The following SUPT3H variants were observed in gnomAD, a reference collection of about 807,000 sequenced individuals.
SUPT3H encodes the protein transcription initiation protein SPT3 homolog.
Under a neutral mutation model 44.3 loss-of-function variants are expected in SUPT3H, and 44 were observed. That is an observed-to-expected ratio of 0.99 (90% CI 0.78 to 1.28). SUPT3H has a LOEUF of 1.28. SUPT3H is among the 50% of genes most tolerant of loss of function. The probability of loss-of-function intolerance (pLI) is 0.00; values close to 1 mark genes in which losing one functional copy is unlikely to be tolerated. For synonymous variants in SUPT3H, 124 were observed against 125.6 expected, an observed-to-expected ratio of 0.99 and a Z score of 0.09; for missense variants, 380 against 387.1, an observed-to-expected ratio of 0.98 and a Z score of 0.15.
intron 2 of SUPT3H, among the ~76,000 whole-genome samples, chr6:45,125,185 G>A (rs1802253622): frequency 6.6e-6 from 1 of 152,118 alleles, no homozygotes; most frequent in Non-Finnish European, 1.5e-5. Flanking sequence ...GAAGCCCTAG[G>A]AAACAAATAC....
In SUPT3H at chr6:44,816,806, T is replaced by C. The variant is rs186986941; in HGVS notation, c.*53-7305A>G. Among the ~76,000 whole-genome samples the C allele has an allele frequency of 1.4e-4, 21 of 152,130 alleles. No homozygotes were observed. In the East Asian group the frequency reaches 4.1e-3, roughly 29 times the overall value. ...CAGTAGCTCAGGCCTATAATCCCAG[T>C]ACTTTGGGAGGCCAAGGTGGGAAGA... On this transcript the variant is annotated intron_variant and NMD_transcript_variant, in intron 11 of 11. Coordinates refer to the SUPT3H transcript ENST00000475057.
chr6:45,162,961 A>C (rs1809272004), intron 2 of SUPT3H, among the ~76,000 whole-genome samples: 1 of 152,190 alleles, frequency 6.6e-6, no homozygotes, highest in Non-Finnish European at 1.5e-5. Context: ...GGAGATCTGT[A>C]GGGTGTGAAG....
chr6:45,369,871 G>T (rs1795769272), intron 1 of SUPT3H, among the ~76,000 whole-genome samples: 1 of 152,118 alleles, frequency 6.6e-6, no homozygotes, highest in Admixed American at 6.6e-5. Flanking sequence ...TTTAATATAA[G>T]ATCTGGGAGG....
At chr6:45,059,323 C>T (rs578095637) in intron 3 of SUPT3H, among the ~76,000 whole-genome samples, 1 of 152,058 alleles carries the variant, frequency 6.6e-6, no homozygotes, top group Admixed American at 6.6e-5. Context: ...ATAAACAGAA[C>T]TAAAGACAAA....
rs144360098 is a variant in SUPT3H, at chr6:45,035,513, T to C, written c.187-14881A>G. Among the ~76,000 whole-genome samples, 44 of 152,276 alleles carry C rather than the reference T, an allele frequency of 2.9e-4. 3 individuals are homozygous for C. Among genetic ancestry groups the C allele is most frequent in the African/African-American group, 8.4e-4 (35 of 41,554 alleles). On this transcript the variant is annotated intron_variant, in intron 3 of 10. Transcript: ENST00000371459. ...AGGTAAGGATGGAGGTGGAGCTTAG[T>C]TGCGAATTGTTACCAACTCAACTGG...
chr6:45,110,588 A>G (rs755489774), intron 2 of SUPT3H, among the ~76,000 whole-genome samples: 1 of 151,992 alleles, frequency 6.6e-6, no homozygotes, highest in African/African-American at 2.4e-5. Context: ...AAAAGGAGAA[A>G]GATTTCTTAA....
rs184591736 is a variant in SUPT3H, at chr6:45,016,504, C to A, written c.274-1613G>T. On this transcript the variant is annotated intron_variant, in intron 4 of 10. Coordinates refer to ENST00000371459, the MANE Select transcript of SUPT3H (RefSeq NM_003599.4). ...GCTAACCCTCCCCCCTCCCCCCACC[C>A]CACAACAGTCCCCAGAGTGTGATGT... Among the ~76,000 whole-genome samples, 1,062 of 113,456 alleles carry A rather than the reference C, an allele frequency of 9.4e-3. 5 individuals are homozygous for A. Among genetic ancestry groups the A allele is most frequent in the Non-Finnish European group, 0.013 (720 of 57,026 alleles). 74.4% of individuals were successfully genotyped at this position (113,456 alleles called of 152,430 possible).
intron 2 of SUPT3H, among the ~76,000 whole-genome samples, chr6:45,296,348 A>C (rs2149894909): frequency 6.6e-6 from 1 of 152,168 alleles, no homozygotes; most frequent in South Asian, 2.1e-4. Context: ...CTCACTAATA[A>C]GTGGGAGCTA....
intron 3 of SUPT3H, among the ~76,000 whole-genome samples, chr6:45,042,904 T>TA (rs1344022510): frequency 1.3e-5 from 2 of 152,154 alleles, no homozygotes; most frequent in African/African-American, 2.4e-5. Context: ...TTTTAATGCT[T>TA]AAAAAAACTG....
intron 2 of SUPT3H, among the ~76,000 whole-genome samples, chr6:45,302,544 T>C (rs985614214): frequency 2.0e-4 from 19 of 94,478 alleles, no homozygotes; most frequent in Non-Finnish European, 4.1e-4. Context: ...TATATATATA[T>C]ATATATATAT....
intron 10 of SUPT3H, among the ~76,000 whole-genome samples, chr6:44,865,197 G>C (rs1775312397): frequency 6.6e-6 from 1 of 152,138 alleles, no homozygotes; most frequent in Non-Finnish European, 1.5e-5. Context: ...ACCTCAGCGT[G>C]GATTTCACTG....
At position 44,953,338 on chromosome 6, in the gene SUPT3H, G is replaced by T; in HGVS notation, c.773C>A (p.Thr258Asn). 1 of 1,614,040 alleles carries T rather than the reference G, an allele frequency of 6.2e-7. No individual in the cohort carries two copies. The highest frequency in any genetic ancestry group is 8.5e-7 in the Non-Finnish European group (1 of 1,179,952). ...AGCAGAGTTGTGATACTGAATGAAGGTTGCAGAAATGGCATGGCTGAAGGG... is the reference window on the plus strand; with the variant it reads ...AGCAGAGTTGTGATACTGAATGAAGTTTGCAGAAATGGCATGGCTGAAGGG... ...GDPFSHAISA[T>N]FIQYHNSAES... Residue 258 changes from threonine to asparagine, a missense_variant, in exon 9 of 11, where the codon ACC (threonine) becomes AAC (asparagine). Coordinates refer to ENST00000371459, the MANE Select transcript of SUPT3H (RefSeq NM_003599.4).
intron 2 of SUPT3H, among the ~76,000 whole-genome samples, chr6:45,322,271 A>G (rs1785627622): frequency 6.6e-6 from 1 of 151,932 alleles, no homozygotes; most frequent in African/African-American, 2.4e-5. Context: ...ATCAAGAAAC[A>G]GACTTCTTCA....
At chr6:45,217,327 T>C (rs1433213443) in intron 2 of SUPT3H, among the ~76,000 whole-genome samples, 1 of 151,758 alleles carries the variant, frequency 6.6e-6, no homozygotes, top group African/African-American at 2.4e-5. Context: ...CTACAAAAGT[T>C]AGCCAGGTGT....
chr6:45,327,496 A>G (rs1017916715), intron 2 of SUPT3H, among the ~76,000 whole-genome samples: 2 of 152,010 alleles, frequency 1.3e-5, no homozygotes, highest in African/African-American at 4.8e-5. Context: ...CATCCAATAA[A>G]CTATATTACA....
At chr6:45,197,179 T>A (rs996953010) in intron 2 of SUPT3H, among the ~76,000 whole-genome samples, 22 of 151,706 alleles carry the variant, frequency 1.5e-4, no homozygotes, top group Admixed American at 7.9e-4. Context: ...ATAAAGATTA[T>A]TTTTTAATAT....
At chr6:44,865,602 T>A (rs879940086) in intron 10 of SUPT3H, among the ~76,000 whole-genome samples, 1 of 152,156 alleles carries the variant, frequency 6.6e-6, no homozygotes, top group Non-Finnish European at 1.5e-5. Flanking sequence ...TTTTCCCTTA[T>A]CAAACCATTA....
chr6:45,334,708 T>G (rs1267791467), intron 2 of SUPT3H, among the ~76,000 whole-genome samples: 1 of 151,176 alleles, frequency 6.6e-6, no homozygotes, highest in East Asian at 1.9e-4. Flanking sequence ...TGCATGAGTG[T>G]GAATGCATTC....
At chr6:44,901,132 G>A (rs1230626772) in intron 10 of SUPT3H, among the ~76,000 whole-genome samples, 1 of 149,062 alleles carries the variant, frequency 6.7e-6, no homozygotes, top group African/African-American at 2.4e-5. Context: ...TCCTCCAAAG[G>A]AACGCAGCTC....
Sources: allele counts gnomAD v4.1 joint callset (sites outside exome capture counted in the v4.1 genomes callset), GRCh38; gene constraint gnomAD v4.1.1; transcripts MANE v1.5; gene names NCBI Gene and HGNC (gene_info 2026-07-23, HGNC 2026-07-21).